Variants in ZDHHC14 observed in about 807,000 individuals in gnomAD.
The protein encoded by ZDHHC14 is zDHHC palmitoyltransferase 14.
ZDHHC14 carries 16 observed loss-of-function variants against 47.7 expected under a neutral mutation model. The observed-to-expected ratio is 0.34, with a 90% CI of 0.23 to 0.51. ZDHHC14 has a LOEUF of 0.51. Among genes scored for constraint, ZDHHC14 ranks in the 20% least tolerant of loss-of-function variants. ZDHHC14 has a pLI of 0.97. For missense variants in ZDHHC14, 515 were observed against 662.5 expected (o/e 0.78, Z 2.44); for synonymous variants, 293 against 278.9 (o/e 1.05, Z -0.50).
chr6:157,628,486 C>A lies in ZDHHC14; in HGVS notation c.703C>A (p.Arg235Ser). ...ATTCGTTATCACCCACGTCATTCTT[C>A]GTAAGTATGCTGGCGAAATCAGATT... Reference protein sequence around the residue: ...FAFVITHVILRSQQTGFLNAL... With the variant: ...FAFVITHVILSSQQTGFLNAL... Residue 235 changes from arginine to serine, a missense_variant and splice_region_variant, in exon 4 of 9, where the codon CGT (arginine) becomes AGT (serine). Physicochemically the swap from Arg to Ser is moderately radical, Grantham distance 110. Coordinates refer to ENST00000359775, the MANE Select transcript of ZDHHC14 (RefSeq NM_024630.3). 1 of 1,611,052 alleles carries A rather than the reference C, an allele frequency of 6.2e-7. No individual in the cohort carries two copies. Among genetic ancestry groups the A allele is most frequent in the Non-Finnish European group, 8.5e-7 (1 of 1,179,380 alleles).
At chr6:157,457,173 TAAAAA>T (rs5881213) in intron 1 of ZDHHC14, among the ~76,000 whole-genome samples, 1 of 121,314 alleles carries the variant, frequency 8.2e-6, no homozygotes, top group Non-Finnish European at 1.7e-5. Context: ...AAACTCCATC[TAAAAA>T]AAAAAAAAAA....
chr6:157,510,554 C>T (rs1373335735), intron 1 of ZDHHC14, among the ~76,000 whole-genome samples: 1 of 152,226 alleles, frequency 6.6e-6, no homozygotes, highest in African/African-American at 2.4e-5. Context: ...CTGGAACTTT[C>T]TTTTCTCAAC....
chr6:157,652,900 A>AG (rs1259899943), intron 7 of ZDHHC14, among the ~76,000 whole-genome samples: 1 of 152,170 alleles, frequency 6.6e-6, no homozygotes, highest in Admixed American at 6.5e-5. Context: ...TATGGGGCTG[A>AG]GAATCAGAGA....
intron 1 of ZDHHC14, among the ~76,000 whole-genome samples, chr6:157,453,718 T>C (rs1778851721): frequency 6.6e-6 from 1 of 152,130 alleles, no homozygotes; most frequent in Non-Finnish European, 1.5e-5. Context: ...GAAGACCAGA[T>C]GGGTGACTAC....
At chr6:157,396,357 A>G (rs1010856927) in intron 1 of ZDHHC14, among the ~76,000 whole-genome samples, 9 of 152,124 alleles carry the variant, frequency 5.9e-5, no homozygotes, top group African/African-American at 1.7e-4. Flanking sequence ...GCAATTTATC[A>G]TCTTGAATGC....
intron 3 of ZDHHC14, among the ~76,000 whole-genome samples, chr6:157,614,767 G>GT (rs574446811): frequency 0.23 from 31,921 of 141,370 alleles, 3,982 homozygotes; most frequent in African/African-American, 0.4. Flanking sequence ...AACTCTTCAT[G>GT]TTTTTTTTTT....
At chr6:157,643,144 CCT>C (rs1777338955) in intron 5 of ZDHHC14, among the ~76,000 whole-genome samples, 1 of 152,198 alleles carries the variant, frequency 6.6e-6, no homozygotes, top group Non-Finnish European at 1.5e-5. Context: ...CAGAACAGGA[CCT>C]GACACACCCC....
At chr6:157,552,059 T>C (rs960466456) in intron 2 of ZDHHC14, among the ~76,000 whole-genome samples, 6 of 152,180 alleles carry the variant, frequency 3.9e-5, no homozygotes, top group Non-Finnish European at 8.8e-5. Context: ...ACGGTTCCAC[T>C]GCTTAAACAG....
At chr6:157,666,086 C>T (rs1217512880) in intron 8 of ZDHHC14, among the ~76,000 whole-genome samples, 1 of 152,194 alleles carries the variant, frequency 6.6e-6, no homozygotes, top group African/African-American at 2.4e-5. Flanking sequence ...TCACGACATC[C>T]AGTTATGATC....
chr6:157,411,332 G>C (rs942842736), intron 1 of ZDHHC14, among the ~76,000 whole-genome samples: 2 of 152,196 alleles, frequency 1.3e-5, no homozygotes. Context: ...AGGAGAGAGT[G>C]GGGGTTGGGG....
At chr6:157,615,403 A>T (rs899298930) in intron 3 of ZDHHC14, among the ~76,000 whole-genome samples, 9 of 152,194 alleles carry the variant, frequency 5.9e-5, no homozygotes, top group African/African-American at 2.2e-4. Flanking sequence ...CTGGGTCTGT[A>T]AGCGCCCCTG....
rs1284405781 is a variant in ZDHHC14 at position 157,381,917 on chromosome 6, C to T, written c.-105C>T. 1 of 946,930 alleles carries T rather than the reference C, an allele frequency of 1.1e-6. No homozygotes were observed. Among genetic ancestry groups the T allele is most frequent in the African/African-American group, 1.8e-5 (1 of 54,604 alleles). 58.7% of individuals were successfully genotyped at this position (946,930 alleles called of 1,614,324 possible). A position where few individuals can be genotyped will look rare whatever the true frequency, so the allele number is the denominator to read the frequency against. On this transcript the variant is annotated 5_prime_UTR_variant, in exon 1 of 9. Transcript: ENST00000359775. ...AGCCCGTGTAGGGGCCGCGGCGCCG[C>T]GGCTCGGGGGGCGGCCGGGCGGCCG...
intron 1 of ZDHHC14, among the ~76,000 whole-genome samples, chr6:157,387,341 G>A (rs904879651): frequency 6.6e-6 from 1 of 152,156 alleles, no homozygotes; most frequent in African/African-American, 2.4e-5. Flanking sequence ...TTCCAAGAAC[G>A]ACGTCTCTGT....
chr6:157,597,471 A>G (rs1290169607), intron 3 of ZDHHC14, among the ~76,000 whole-genome samples: 1 of 152,254 alleles, frequency 6.6e-6, no homozygotes, highest in African/African-American at 2.4e-5. Context: ...AGGGATTTAC[A>G]TGTACTAGAT....
intron 3 of ZDHHC14, among the ~76,000 whole-genome samples, chr6:157,609,568 G>A (rs1784676621): frequency 6.6e-6 from 1 of 152,214 alleles, no homozygotes; most frequent in Non-Finnish European, 1.5e-5. Flanking sequence ...TGTTGAGTGA[G>A]GTAGGTTGCT....
At position 157,382,193 on chromosome 6, in the gene ZDHHC14, G is replaced by A; in HGVS notation, c.172G>A (p.Ala58Thr). ...KFFCNGRIMM[A>T]RQTGVFYLTL... is the part of the protein sequence containing the mutation. ...CTTCTGTAACGGGAGGATCATGATG[G>A]CCCGGCAGACGGGCGTCTTCTACCT... Residue 58 changes from alanine to threonine, a missense_variant, in exon 1 of 9, where the codon GCC becomes ACC. Physicochemically the swap from Ala to Thr is moderately conservative, Grantham distance 58. Coordinates refer to ENST00000359775, the MANE Select transcript of ZDHHC14 (RefSeq NM_024630.3). The A allele has an allele frequency of 6.2e-7, 1 of 1,613,776 alleles. No homozygotes were observed. The highest frequency in any genetic ancestry group is 8.5e-7 in the Non-Finnish European group (1 of 1,179,892).
chr6:157,401,630 G>A (rs949249986), intron 1 of ZDHHC14, among the ~76,000 whole-genome samples: 5 of 148,362 alleles, frequency 3.4e-5, no homozygotes. Flanking sequence ...CTCCTGCTGA[G>A]GTCTCAGCTG....
intron 8 of ZDHHC14, among the ~76,000 whole-genome samples, chr6:157,659,698 C>T (rs999597016): frequency 1.3e-5 from 2 of 152,238 alleles, no homozygotes; most frequent in African/African-American, 4.8e-5. Flanking sequence ...ACCCTCTGCG[C>T]CTTGGAAAGC....
At chr6:157,444,168 T>C (rs1778614676) in intron 1 of ZDHHC14, among the ~76,000 whole-genome samples, 1 of 152,340 alleles carries the variant, frequency 6.6e-6, no homozygotes, top group East Asian at 1.9e-4. Context: ...TCCAAATTAT[T>C]ATACAGCCTT....
Sources: gnomAD v4.1 joint callset for allele counts (sites outside exome capture counted in the v4.1 genomes callset) on GRCh38, gnomAD v4.1.1 for gene constraint, MANE v1.5 for transcripts, NCBI Gene and HGNC (gene_info 2026-07-23, HGNC 2026-07-21) for gene names.